Variants in R3HCC1L observed in about 807,000 individuals in gnomAD.
R3HCC1L encodes coiled-coil domain-containing protein R3HCC1L.
In R3HCC1L, 51 loss-of-function variants were observed where a neutral mutation model predicts 59.9. The ratio of observed to expected loss-of-function variants is 0.85; its 90% confidence interval spans 0.68 to 1.07. The LOEUF is 1.07. Ranked by LOEUF, R3HCC1L falls within the 50% of genes least tolerant of loss-of-function variation. The pLI is 0.00. For missense variants in R3HCC1L, 965 were observed against 933.0 expected (o/e 1.03, Z -0.45); for synonymous variants, 322 against 315.2 (o/e 1.02, Z -0.23).
intron 1 of R3HCC1L, among the ~76,000 whole-genome samples, chr10:98,137,853 G>A (rs1372223266): frequency 2.0e-5 from 3 of 152,204 alleles, no homozygotes; most frequent in East Asian, 3.9e-4. Flanking sequence ...TAGGATAGAC[G>A]TTTATGGAAC....
chr10:98,215,182 A>G (rs1157359212), intron 5 of R3HCC1L, among the ~76,000 whole-genome samples: 2 of 152,220 alleles, frequency 1.3e-5, no homozygotes, highest in Non-Finnish European at 2.9e-5. Flanking sequence ...GAGAAGGATA[A>G]CAATATTTAA....
intron 4 of R3HCC1L, among the ~76,000 whole-genome samples, chr10:98,203,894 G>C (rs1852322103): frequency 6.6e-6 from 1 of 152,060 alleles, no homozygotes; most frequent in Admixed American, 6.6e-5. Flanking sequence ...ATATTTTAAA[G>C]GCATGTGTTA....
intron 5 of R3HCC1L, among the ~76,000 whole-genome samples, chr10:98,217,189 G>T (rs1854304760): frequency 6.6e-6 from 1 of 152,154 alleles, no homozygotes; most frequent in South Asian, 2.1e-4. Flanking sequence ...TTTTGAGTTG[G>T]TTTTTGTATA....
intron 5 of R3HCC1L, among the ~76,000 whole-genome samples, chr10:98,216,366 T>G (rs1332685090): frequency 6.6e-6 from 1 of 151,876 alleles, no homozygotes; most frequent in East Asian, 1.9e-4. Context: ...ATACAAAACT[T>G]AGCCGGGCGT....
intron 4 of R3HCC1L, among the ~76,000 whole-genome samples, chr10:98,191,926 G>A (rs1044418173): frequency 3.3e-5 from 5 of 152,140 alleles, no homozygotes; most frequent in African/African-American, 1.2e-4. Flanking sequence ...GCGGGTTCAA[G>A]CAATTCTTCT....
intron 4 of R3HCC1L, among the ~76,000 whole-genome samples, chr10:98,172,887 C>T (rs1023029291): frequency 6.6e-6 from 1 of 152,128 alleles, no homozygotes; most frequent in African/African-American, 2.4e-5. Context: ...CAGCTCCAGA[C>T]TAAAAATTTT....
chr10:98,152,210 C>T (rs1318498477), intron 1 of R3HCC1L, among the ~76,000 whole-genome samples: 6 of 152,262 alleles, frequency 3.9e-5, no homozygotes, highest in South Asian at 2.1e-4. Flanking sequence ...CAGCCTCGGC[C>T]TCCCGAGGTG....
chr10:98,171,737 A>C (rs1056299010), intron 4 of R3HCC1L, among the ~76,000 whole-genome samples: 2 of 152,228 alleles, frequency 1.3e-5, no homozygotes, highest in Non-Finnish European at 2.9e-5. Flanking sequence ...AGCTGGAGTC[A>C]GAATCCATTT....
chr10:98,154,234 G>A (rs1268965181), intron 1 of R3HCC1L, among the ~76,000 whole-genome samples: 1 of 150,224 alleles, frequency 6.7e-6, no homozygotes, highest in African/African-American at 2.5e-5. Flanking sequence ...TAATAGTAAG[G>A]CAGTACATCT....
chr10:98,147,664 CTCT>C (rs1207380019), intron 1 of R3HCC1L, among the ~76,000 whole-genome samples: 1 of 152,102 alleles, frequency 6.6e-6, no homozygotes, highest in Non-Finnish European at 1.5e-5. Context: ...GTTGAAGAGA[CTCT>C]TCTTTCCCCA....
At chr10:98,233,169 C>T (rs894890830) in intron 6 of R3HCC1L, among the ~76,000 whole-genome samples, 3 of 152,038 alleles carry the variant, frequency 2.0e-5, no homozygotes, top group Non-Finnish European at 4.4e-5. Context: ...AATGATGATT[C>T]TTAAAACTAA....
chr10:98,169,773 T>C (rs1848333262), intron 4 of R3HCC1L, among the ~76,000 whole-genome samples: 1 of 152,222 alleles, frequency 6.6e-6, no homozygotes, highest in Admixed American at 6.5e-5. Flanking sequence ...AACTAGTTAT[T>C]CTAAAATGTA....
intron 4 of R3HCC1L, among the ~76,000 whole-genome samples, chr10:98,177,516 C>T (rs868411645): frequency 9.2e-5 from 14 of 152,160 alleles, no homozygotes; most frequent in South Asian, 2.1e-4. Flanking sequence ...TTTATAGTAG[C>T]ATGATTTATA....
intron 1 of R3HCC1L, among the ~76,000 whole-genome samples, chr10:98,151,294 G>T (rs368834523): frequency 6.6e-6 from 1 of 152,100 alleles, no homozygotes; most frequent in South Asian, 2.1e-4. Flanking sequence ...GGAGACCTAG[G>T]TTTGAATGAT....
chr10:98,187,960 C>G (rs1009802005), intron 4 of R3HCC1L, among the ~76,000 whole-genome samples: 3 of 151,864 alleles, frequency 2.0e-5, no homozygotes, highest in African/African-American at 7.3e-5. Flanking sequence ...CTAGGCTGGT[C>G]TCGAACTCCT....
chr10:98,152,299 G>A, intron 1 of R3HCC1L, among the ~76,000 whole-genome samples: 1 of 152,132 alleles, frequency 6.6e-6, no homozygotes, highest in Admixed American at 6.6e-5. Flanking sequence ...ATCTCGGCTA[G>A]CTACGACCTC....
chr10:98,159,408 C>T (rs1212200627), intron 2 of R3HCC1L, among the ~76,000 whole-genome samples: 1 of 152,054 alleles, frequency 6.6e-6, no homozygotes, highest in Non-Finnish European at 1.5e-5. Flanking sequence ...ATTATATTCT[C>T]TTTCTATTCA....
At chr10:98,155,610 A>T (rs574208504) in intron 1 of R3HCC1L, among the ~76,000 whole-genome samples, 1 of 152,108 alleles carries the variant, frequency 6.6e-6, no homozygotes, top group Admixed American at 6.5e-5. Context: ...CATGTTTTAA[A>T]AAGTCCAATA....
chr10:98,157,193 A>G (rs1464516635), intron 2 of R3HCC1L, among the ~76,000 whole-genome samples: 3 of 152,160 alleles, frequency 2.0e-5, no homozygotes, highest in Admixed American at 6.5e-5. Flanking sequence ...CTTTGTCCCC[A>G]GTGTTCTGAA....
Sources: gnomAD v4.1 joint callset for allele counts (sites outside exome capture counted in the v4.1 genomes callset) on GRCh38, gnomAD v4.1.1 for gene constraint, MANE v1.5 for transcripts, NCBI Gene and HGNC (gene_info 2026-07-23, HGNC 2026-07-21) for gene names.